The following PUDP variants were observed in gnomAD, a reference collection of about 807,000 sequenced individuals.
The protein encoded by PUDP is pseudouridine-5'-phosphatase.
PUDP carries 8 observed loss-of-function variants against 9.4 expected under a neutral mutation model. That is an observed-to-expected ratio of 0.85 (90% CI 0.50 to 1.53). The LOEUF (loss-of-function observed/expected upper bound fraction) is 1.53. PUDP is among the 40% of genes most tolerant of loss of function. The pLI is 0.00. For synonymous variants in PUDP, 99 were observed against 80.7 expected, an observed-to-expected ratio of 1.23 and a Z score of -1.22; for missense variants, 188 against 189.7, an observed-to-expected ratio of 0.99 and a Z score of 0.05.
chrX:7,140,780 T>C (rs770940200), intron 1 of PUDP, among the ~76,000 whole-genome samples: 5 of 112,145 alleles, frequency 4.5e-5, no homozygotes, highest in Non-Finnish European at 7.5e-5. Context: ...TCAAGGTTTT[T>C]GGCAACCCTG....
At chrX:7,016,706 C>T (rs1316669767) in intron 1 of PUDP, among the ~76,000 whole-genome samples, 1 of 110,968 alleles carries the variant, frequency 9.0e-6, no homozygotes, top group Non-Finnish European at 1.9e-5. Context: ...GGTCTTTTCT[C>T]TGCTCATGGA....
chrX:6,808,707 G>C (rs1005684144), intron 3 of PUDP, among the ~76,000 whole-genome samples: 2 of 112,009 alleles, frequency 1.8e-5, no homozygotes, highest in Non-Finnish European at 3.8e-5. Context: ...AATTAGTGAA[G>C]TTATCTGCAC....
chrX:6,728,550 T>C (rs772234019), intron 3 of PUDP, among the ~76,000 whole-genome samples: 6 of 112,131 alleles, frequency 5.4e-5, no homozygotes, highest in African/African-American at 1.6e-4. Context: ...ATCCCCATTT[T>C]GCAGATGAGA....
intron 3 of PUDP, among the ~76,000 whole-genome samples, chrX:7,068,818 CAGGGTCCCCAAGAGT>C (rs781599661): frequency 1.9e-3 from 211 of 111,783 alleles, no homozygotes; most frequent in Non-Finnish European, 3.4e-3. Flanking sequence ...AGACAAGCAG[CAGGGTCCCCAAGAGT>C]AGATTTAAGG....
At chrX:7,054,310 T>A (rs1475998549) in intron 3 of PUDP, among the ~76,000 whole-genome samples, 2 of 110,116 alleles carry the variant, frequency 1.8e-5, no homozygotes, top group African/African-American at 6.6e-5. Flanking sequence ...CTCTGGAAGC[T>A]AAGGCAGGAG....
In PUDP at chrX:6,986,048, C is replaced by T. The variant is rs1422959458; in HGVS notation, c.205-7705G>A. Among the ~76,000 whole-genome samples, 3 of 111,239 alleles carry T rather than the reference C, an allele frequency of 2.7e-5. No homozygotes were observed. In the East Asian group the frequency reaches 8.5e-4, roughly 32 times the overall value. ...CTTCACTGCTACACTCCCACCAGCG[C>T]CATGACAGTTTATAAATGCCATGGC... On this transcript the variant is annotated intron_variant and NMD_transcript_variant, in intron 1 of 3. Transcript: ENST00000655425.
chrX:7,098,859 C>CAGCCAAGAGATGCAGGGGAGAGCT (rs1569159429), intron 2 of PUDP, among the ~76,000 whole-genome samples: 1 of 106,544 alleles, frequency 9.4e-6, no homozygotes, highest in Admixed American at 1.0e-4. Context: ...AGGGGAGAGC[C>CAGCCAAGAGATGCAGGGGAGAGCT]GGCCAAGAGA....
At chrX:6,787,103 C>T (rs113105750) in intron 3 of PUDP, among the ~76,000 whole-genome samples, 2,260 of 109,896 alleles carry the variant, frequency 0.021, 54 homozygotes, top group African/African-American at 0.069. Context: ...GTTAAATTTC[C>T]CATGGTTCAT....
chrX:6,804,243 G>C (rs1431279277), intron 3 of PUDP, among the ~76,000 whole-genome samples: 1 of 111,664 alleles, frequency 9.0e-6, no homozygotes, highest in Non-Finnish European at 1.9e-5. Context: ...GCTGCCTGCA[G>C]AACCATAACC....
intron 3 of PUDP, among the ~76,000 whole-genome samples, chrX:6,968,643 CT>C (rs554779101): frequency 1.9e-5 from 2 of 106,258 alleles, no homozygotes; most frequent in African/African-American, 6.8e-5. Flanking sequence ...TCTTTCTCTC[CT>C]TTTTTTTTTC....
chrX:6,741,895 G>A (rs1199039656), intron 3 of PUDP, among the ~76,000 whole-genome samples: 5 of 98,784 alleles, frequency 5.1e-5, no homozygotes, highest in South Asian at 4.9e-4. Flanking sequence ...TCACTCTGTC[G>A]CCCAGGCTGG....
intron 1 of PUDP, among the ~76,000 whole-genome samples, chrX:7,031,949 A>C (rs1001780671): frequency 8.0e-5 from 9 of 112,466 alleles, no homozygotes; most frequent in Non-Finnish European, 1.9e-5. Flanking sequence ...CTGCTCTTCA[A>C]GATAGATGAA....
intron 2 of PUDP, among the ~76,000 whole-genome samples, chrX:7,077,650 A>G: frequency 8.9e-6 from 1 of 112,477 alleles, no homozygotes; most frequent in East Asian, 2.8e-4. Context: ...CAAAAAATCA[A>G]AAAAGCTATT....
chrX:6,974,482 C>T (rs1928923779), intron 3 of PUDP, among the ~76,000 whole-genome samples: 1 of 111,593 alleles, frequency 9.0e-6, no homozygotes, highest in South Asian at 3.7e-4. Context: ...CATAGTTTGA[C>T]TGGATATGAA....
At chrX:7,040,157 G>A (rs1275914958) in intron 1 of PUDP, among the ~76,000 whole-genome samples, 1 of 111,924 alleles carries the variant, frequency 8.9e-6, no homozygotes, top group African/African-American at 3.2e-5. Context: ...TCAGCCCCTT[G>A]GCCTGCATCC....
intron 1 of PUDP, among the ~76,000 whole-genome samples, chrX:7,037,518 G>C (rs773981343): frequency 8.9e-6 from 1 of 111,784 alleles, no homozygotes; most frequent in South Asian, 3.8e-4. Context: ...GGATAACTAT[G>C]AACTGGGTCC....
intron 3 of PUDP, among the ~76,000 whole-genome samples, chrX:6,804,058 G>T (rs754210576): frequency 9.0e-6 from 1 of 111,622 alleles, no homozygotes; most frequent in South Asian, 3.8e-4. Context: ...ATTTAGAAAA[G>T]CATGGTATTG....
At chrX:7,021,521 C>T (rs1929633750) in intron 1 of PUDP, among the ~76,000 whole-genome samples, 1 of 111,992 alleles carries the variant, frequency 8.9e-6, no homozygotes, top group Non-Finnish European at 1.9e-5. Context: ...TTGGTTAAAC[C>T]GTGATGCTTT....
chrX:6,879,435 TACACAC>T (rs753425131), intron 3 of PUDP, among the ~76,000 whole-genome samples: 32 of 102,074 alleles, frequency 3.1e-4, no homozygotes, highest in African/African-American at 6.7e-4. Context: ...ACAGCACAAT[TACACAC>T]ACACACACAC....
Sources: allele counts gnomAD v4.1 joint callset (sites outside exome capture counted in the v4.1 genomes callset), GRCh38; gene constraint gnomAD v4.1.1; transcripts MANE v1.5; gene names NCBI Gene and HGNC (gene_info 2026-07-23, HGNC 2026-07-21).